Variants in TAC4 observed in about 807,000 individuals in gnomAD.
TAC4 encodes tachykinin-4.
Under a neutral mutation model 17.7 loss-of-function variants are expected in TAC4, and 17 were observed. That is an observed-to-expected ratio of 0.96 (90% CI 0.66 to 1.44). TAC4 has a LOEUF of 1.44. Ranked by LOEUF, TAC4 falls within the 40% of genes most tolerant of loss-of-function variation. The pLI is 0.00. For synonymous variants in TAC4, 62 were observed against 52.4 expected (o/e 1.18, Z -0.79); for missense variants, 118 against 125.6 (o/e 0.94, Z 0.29).
At chr17:49,841,140 C>T (rs910135882) in intron 3 of TAC4, among the ~76,000 whole-genome samples, 1 of 151,794 alleles carries the variant, frequency 6.6e-6, no homozygotes, top group African/African-American at 2.4e-5. Context: ...GCTGCCTTGG[C>T]CTCCCAAAGT....
rs929689151 is a variant in TAC4 at position 49,838,782 on chromosome 17, C to G, written c.293-109G>C. On this transcript the variant is annotated intron_variant, in intron 4 of 4. Transcript: ENST00000436235. Reference sequence around the variant, plus strand: ...TTGAAGGCCTTCATCTTCCTAACCCCTCTCTCCTTTCTGGAGATATCTAGG... The same window carrying G: ...TTGAAGGCCTTCATCTTCCTAACCCGTCTCTCCTTTCTGGAGATATCTAGG... 2.6e-5 allele frequency: 29 copies of G among 1,101,096 alleles called. No homozygotes were observed. The Admixed American group carries it at 3.0e-4, about 11-fold the overall frequency. 68.2% of individuals were successfully genotyped at this position (1,101,096 alleles called of 1,614,324 possible).
intron 3 of TAC4, among the ~76,000 whole-genome samples, chr17:49,840,142 G>A (rs1198397152): frequency 6.6e-6 from 1 of 152,200 alleles, no homozygotes; most frequent in Non-Finnish European, 1.5e-5. Flanking sequence ...TTCTCCCTCT[G>A]CTCTCCCTTC....
chr17:49,841,866 T>C (rs1412726656), intron 2 of TAC4, among the ~76,000 whole-genome samples: 9 of 151,638 alleles, frequency 5.9e-5, no homozygotes, highest in Non-Finnish European at 1.3e-4. Flanking sequence ...GTTTCCCCGC[T>C]TGTGATAAGG....
rs1039292978 is a variant in TAC4 at position 49,840,503 on chromosome 17, C to T, written c.233-594G>A. 2.0e-5 allele frequency among the ~76,000 whole-genome samples: 3 copies of T among 151,866 alleles called. No individual in the cohort carries two copies. In the South Asian group the frequency reaches 6.2e-4, roughly 32 times the overall value. On this transcript the variant is annotated intron_variant, in intron 3 of 4. Transcript: ENST00000436235. ...TGGAGGGTACAGGTTGGTTACTTTTCTTTCTTTCTTTTTTTTTGAATGGAG... is the reference window on the plus strand; with the variant it reads ...TGGAGGGTACAGGTTGGTTACTTTTTTTTCTTTCTTTTTTTTTGAATGGAG...
chr17:49,847,527 T>G (rs2074551847), intron 1 of TAC4: 1 of 342,092 alleles, frequency 2.9e-6, no homozygotes, highest in Non-Finnish European at 5.7e-6. Flanking sequence ...CTACTTGACT[T>G]CTCTGTGCCT....
chr17:49,844,531 G>A (rs1208137012), intron 1 of TAC4, among the ~76,000 whole-genome samples: 2 of 152,030 alleles, frequency 1.3e-5, no homozygotes, highest in Admixed American at 6.6e-5. Context: ...GCCGAGATGG[G>A]TGGGTCGCTT....
Position 49,846,919 on chromosome 17 carries a change from C to T in TAC4, c.105+994G>A, listed in dbSNP as rs541777177. 14 of 1,270,698 alleles carry T rather than the reference C, an allele frequency of 1.1e-5. No individual in the cohort carries two copies. In the African/African-American group the frequency reaches 2.0e-4, roughly 18 times the overall value. The allele number at this position is 1,270,698 out of a possible 1,614,324, so 78.7% of individuals were successfully genotyped here. A position where few individuals can be genotyped will look rare whatever the true frequency, so the allele number is the denominator to read the frequency against. ...AAAGCCTTGGGGGGTCACTTCCCTC[C>T]TCCGTTTTGCAGGTGAGGAAACTGA... On this transcript the variant is annotated intron_variant, in intron 1 of 4. Transcript: ENST00000436235.
intron 4 of TAC4, among the ~76,000 whole-genome samples, chr17:49,839,482 G>C (rs2074480734): frequency 6.6e-6 from 1 of 152,208 alleles, no homozygotes; most frequent in Non-Finnish European, 1.5e-5. Context: ...ACCCTCTAAT[G>C]ATCAATGATT....
At chr17:49,843,620 G>A (rs2074514448) in intron 2 of TAC4, among the ~76,000 whole-genome samples, 1 of 152,196 alleles carries the variant, frequency 6.6e-6, no homozygotes, top group South Asian at 2.1e-4. Flanking sequence ...TTGAGATGGA[G>A]TCTCGCTTTG....
At chr17:49,845,294 G>T (rs891957387) in intron 1 of TAC4, among the ~76,000 whole-genome samples, 23 of 152,212 alleles carry the variant, frequency 1.5e-4, no homozygotes, top group African/African-American at 5.5e-4. Context: ...CTCAACCAAG[G>T]ACTGTGGATT....
Position 49,840,908 on chromosome 17 carries a change from T to A in TAC4, c.232+644A>T, listed in dbSNP as rs2074492658. The stretch of plus-strand genomic sequence containing the variant: ...TGTACTTTTTTTTTTTTTTTTTTTT[T>A]TTTTGAGACAGAGTCTCCCTCTGTC... On this transcript the variant is annotated intron_variant, in intron 3 of 4. Coordinates refer to ENST00000436235, the MANE Select transcript of TAC4 (RefSeq NM_001077506.2). Among the ~76,000 whole-genome samples, 3 of 143,782 alleles carry A rather than the reference T, an allele frequency of 2.1e-5. No individual in the cohort carries two copies. In the South Asian group the frequency reaches 6.8e-4, roughly 33 times the overall value. 94.3% of individuals were successfully genotyped at this position (143,782 alleles called of 152,430 possible). A position where few individuals can be genotyped will look rare whatever the true frequency, so the allele number is the denominator to read the frequency against.
intron 1 of TAC4, chr17:49,846,275 C>G: frequency 8.3e-7 from 1 of 1,198,794 alleles, no homozygotes; most frequent in African/African-American, 2.4e-5. Flanking sequence ...TTCCTGTTAC[C>G]TCATTTTTTT....
At chr17:49,841,901 C>CTTTTTTT (rs1161302297) in intron 2 of TAC4, among the ~76,000 whole-genome samples, 1 of 99,132 alleles carries the variant, frequency 1.0e-5, no homozygotes, top group Non-Finnish European at 2.0e-5. Flanking sequence ...GAGATTTAAT[C>CTTTTTTT]TTTTTTTTTT....
At chr17:49,843,289 G>T (rs2074512227) in intron 2 of TAC4, among the ~76,000 whole-genome samples, 1 of 152,218 alleles carries the variant, frequency 6.6e-6, no homozygotes, top group African/African-American at 2.4e-5. Context: ...ATTTTCTCCT[G>T]GTCCCCCAAG....
intron 1 of TAC4, among the ~76,000 whole-genome samples, chr17:49,845,548 A>G (rs1388068974): frequency 6.6e-6 from 1 of 151,612 alleles, no homozygotes; most frequent in East Asian, 1.9e-4. Context: ...ATGCCAAATG[A>G]GGAGTCCTTT....
At chr17:49,844,591 C>A (rs143264531) in intron 1 of TAC4, among the ~76,000 whole-genome samples, 1,580 of 152,162 alleles carry the variant, frequency 0.01, 27 homozygotes, top group East Asian at 0.081. Flanking sequence ...AACCCCGTCT[C>A]TAATAAAAAT....
At chr17:49,847,734 G>A (rs979884412) in intron 1 of TAC4, 179 bp downstream of exon 1, 1 of 865,902 alleles carries the variant, frequency 1.2e-6, no homozygotes, top group Non-Finnish European at 1.8e-6. Flanking sequence ...CACTTCGGAG[G>A]TCTGCCAGGC....
At chr17:49,839,299 C>T (rs1198601984) in intron 4 of TAC4, among the ~76,000 whole-genome samples, 2 of 152,126 alleles carry the variant, frequency 1.3e-5, no homozygotes, top group Non-Finnish European at 2.9e-5. Flanking sequence ...GTGACCTTTC[C>T]CCAACCTGAT....
chr17:49,843,824 C>T (rs2074515752), intron 2 of TAC4, among the ~76,000 whole-genome samples: 1 of 152,106 alleles, frequency 6.6e-6, no homozygotes, highest in Non-Finnish European at 1.5e-5. Context: ...AAACTCCTGA[C>T]CTTAAGTGAT....
Sources: gnomAD v4.1 joint callset for allele counts (sites outside exome capture counted in the v4.1 genomes callset) on GRCh38, gnomAD v4.1.1 for gene constraint, MANE v1.5 for transcripts, NCBI Gene and HGNC (gene_info 2026-07-23, HGNC 2026-07-21) for gene names.